GRIK2: variants seen among roughly 807,000 people sequenced by gnomAD.
GRIK2 encodes the protein glutamate receptor ionotropic, kainate 2.
In GRIK2, 32 loss-of-function variants were observed where a neutral mutation model predicts 100.3. The ratio of observed to expected loss-of-function variants is 0.32; its 90% CI spans 0.24 to 0.43. The LOEUF is 0.43. Ranked by LOEUF, GRIK2 falls within the 20% of genes least tolerant of loss-of-function variation. GRIK2 has a pLI of 1.00. For synonymous variants in GRIK2, 417 were observed against 389.4 expected (o/e 1.07, Z -0.83); for missense variants, 843 against 1,114.9 (o/e 0.76, Z 3.47).
At position 101,585,820 on chromosome 6, in the gene GRIK2, C is replaced by T. The variant is rs560641130; in HGVS notation, c.116-36129C>T. Among the ~76,000 whole-genome samples, 100 of 151,922 alleles carry T rather than the reference C, an allele frequency of 6.6e-4. 2 individuals carry two copies. The Middle Eastern group carries it at 0.027, about 41-fold the overall frequency. ...AAGTTTGAGGCAGCTACAGTGAAGA[C>T]AAAAGTAAAATACAAAACAGGAATA... is the stretch of plus-strand genomic sequence containing the variant. On this transcript the variant is annotated intron_variant, in intron 2 of 16. Transcript: ENST00000369134.
chr6:101,527,289 A>T (rs1775202790), intron 2 of GRIK2, among the ~76,000 whole-genome samples: 1 of 152,216 alleles, frequency 6.6e-6, no homozygotes, highest in Non-Finnish European at 1.5e-5. Context: ...TAAAACACAG[A>T]AAACTGCTGT....
intron 14 of GRIK2, among the ~76,000 whole-genome samples, chr6:101,966,672 T>C (rs1227394426): frequency 1.3e-5 from 2 of 152,072 alleles, no homozygotes; most frequent in Non-Finnish European, 2.9e-5. Flanking sequence ...GGGACGAATA[T>C]TTGACAGGCC....
At chr6:101,937,368 C>G (rs779359433) in intron 14 of GRIK2, among the ~76,000 whole-genome samples, 12 of 152,066 alleles carry the variant, frequency 7.9e-5, no homozygotes, top group Non-Finnish European at 1.3e-4. Context: ...GAGGGCCCCA[C>G]AGGGAGTGAG....
chr6:101,793,682 G>A (rs1363301416), intron 7 of GRIK2, among the ~76,000 whole-genome samples: 1 of 152,210 alleles, frequency 6.6e-6, no homozygotes, highest in Non-Finnish European at 1.5e-5. Context: ...TGAGGAGGCA[G>A]TCTGCCCGTT....
At chr6:101,589,796 C>T (rs1227083450) in intron 2 of GRIK2, among the ~76,000 whole-genome samples, 2 of 151,932 alleles carry the variant, frequency 1.3e-5, no homozygotes, top group Non-Finnish European at 2.9e-5. Context: ...TAGAGATGTC[C>T]AGCAGCTGAT....
At chr6:101,781,091 G>GT (rs1027865336) in intron 7 of GRIK2, among the ~76,000 whole-genome samples, 5 of 151,716 alleles carry the variant, frequency 3.3e-5, no homozygotes, top group African/African-American at 4.8e-5. Flanking sequence ...TGTTTATTTT[G>GT]TTTTTTTCTA....
chr6:101,548,151 A>C (rs1447050662), intron 2 of GRIK2, among the ~76,000 whole-genome samples: 1 of 152,002 alleles, frequency 6.6e-6, no homozygotes, highest in Non-Finnish European at 1.5e-5. Context: ...TCCTTCGCCC[A>C]CTTTTTGATG....
At chr6:101,750,960 T>G (rs1296120319) in intron 7 of GRIK2, among the ~76,000 whole-genome samples, 1 of 152,228 alleles carries the variant, frequency 6.6e-6, no homozygotes, top group Non-Finnish European at 1.5e-5. Context: ...AATTCTCTCA[T>G]CATTGTGAGA....
intron 7 of GRIK2, among the ~76,000 whole-genome samples, chr6:101,718,589 C>G (rs1263817330): frequency 6.6e-6 from 1 of 151,864 alleles, no homozygotes; most frequent in Non-Finnish European, 1.5e-5. Context: ...CACCATCATC[C>G]CTCCATTATC....
intron 14 of GRIK2, among the ~76,000 whole-genome samples, chr6:101,964,552 G>A (rs913007476): frequency 4.6e-5 from 7 of 152,088 alleles, no homozygotes; most frequent in Admixed American, 3.3e-4. Context: ...TCTCAAACCC[G>A]TGACCAGGGG....
intron 2 of GRIK2, among the ~76,000 whole-genome samples, chr6:101,560,337 A>G (rs1343853220): frequency 1.3e-5 from 2 of 152,086 alleles, no homozygotes; most frequent in African/African-American, 4.8e-5. Context: ...ATTAATGGGC[A>G]ATTTTGTAGT....
Position 101,795,017 on chromosome 6 carries a change from C to G in GRIK2, c.952-4631C>G, listed in dbSNP as rs557417227. 8.5e-5 allele frequency among the ~76,000 whole-genome samples: 13 copies of G among 152,128 alleles called. No individual in the cohort carries two copies. In the East Asian group the frequency reaches 2.5e-3, roughly 30 times the overall value. On this transcript the variant is annotated intron_variant, in intron 7 of 16. Coordinates refer to ENST00000369134, the MANE Select transcript of GRIK2 (RefSeq NM_021956.5). Reference sequence around the variant, plus strand: ...AGTAGCTGGAATTACAGGCCCACAGCTACCATGACCCACTAACTTTTGTAT... The same window carrying G: ...AGTAGCTGGAATTACAGGCCCACAGGTACCATGACCCACTAACTTTTGTAT...
At chr6:101,845,212 C>T (rs1373572894) in intron 10 of GRIK2, among the ~76,000 whole-genome samples, 2 of 152,146 alleles carry the variant, frequency 1.3e-5, no homozygotes, top group Admixed American at 6.5e-5. Flanking sequence ...CAGATGGGGT[C>T]TCGCTATGTT....
intron 12 of GRIK2, among the ~76,000 whole-genome samples, chr6:101,912,898 G>T (rs76200105): frequency 2.0e-5 from 3 of 151,416 alleles, no homozygotes; most frequent in Non-Finnish European, 4.4e-5. Context: ...GTAATGCAAA[G>T]CTCATTTAAA....
Position 102,068,471 on chromosome 6 carries a change from T to G in GRIK2, c.2687T>G (p.Phe896Cys), listed in dbSNP as rs1398059148. 19 of 1,611,832 alleles carry G rather than the reference T, an allele frequency of 1.2e-5. No homozygotes were observed. The highest frequency in any genetic ancestry group is 1.6e-5 in the Non-Finnish European group (19 of 1,178,636). Residue 896 changes from phenylalanine (F) to cysteine (C), a missense_variant, in exon 17 of 17, where the codon TTT (phenylalanine) becomes TGT (cysteine). Transcript: ENST00000369134. ...GAAGAAGTTATCAACATGCACACAT[T>G]TAACGACAGAAGGTTGCCAGGTAAA... Reference protein sequence around the residue: ...KTEEVINMHTFNDRRLPGKET... With the variant: ...KTEEVINMHTCNDRRLPGKET...
intron 11 of GRIK2, among the ~76,000 whole-genome samples, chr6:101,877,993 G>C (rs1467965407): frequency 6.6e-6 from 1 of 150,750 alleles, no homozygotes; most frequent in Admixed American, 6.7e-5. Flanking sequence ...ACTTAAAAAA[G>C]GGCATTGATG....
At chr6:101,403,627 G>A (rs1379305717) in intron 2 of GRIK2, among the ~76,000 whole-genome samples, 3 of 152,204 alleles carry the variant, frequency 2.0e-5, no homozygotes, top group South Asian at 2.1e-4. Flanking sequence ...ATAATTAGTA[G>A]CAGATGTACT....
At chr6:101,762,515 G>A (rs1777794322) in intron 7 of GRIK2, among the ~76,000 whole-genome samples, 1 of 152,018 alleles carries the variant, frequency 6.6e-6, no homozygotes, top group Non-Finnish European at 1.5e-5. Context: ...TTACACGTGT[G>A]AGCCACCATC....
At chr6:101,719,891 T>C (rs1390155023) in intron 7 of GRIK2, among the ~76,000 whole-genome samples, 1 of 151,856 alleles carries the variant, frequency 6.6e-6, no homozygotes, top group African/African-American at 2.4e-5. Context: ...AAGCACAAGG[T>C]ATTCTGAGAT....
Sources: gnomAD v4.1 joint callset for allele counts (sites outside exome capture counted in the v4.1 genomes callset) on GRCh38, gnomAD v4.1.1 for gene constraint, MANE v1.5 for transcripts, NCBI Gene and HGNC (gene_info 2026-07-23, HGNC 2026-07-21) for gene names.